The following CNST variants were observed in gnomAD, a reference collection of about 807,000 sequenced individuals.
CNST encodes the protein consortin.
CNST carries 39 observed loss-of-function variants against 72.4 expected under a neutral mutation model. That is an observed-to-expected ratio of 0.54 (90% CI 0.42 to 0.70). The LOEUF is 0.70. CNST is among the 30% of genes least tolerant of loss of function. CNST has a pLI of 0.00. For missense variants in CNST, 871 were observed against 868.5 expected (o/e 1.00, Z -0.04); for synonymous variants, 332 against 320.1 (o/e 1.04, Z -0.40).
At chr1:246,566,776 C>T in intron 1 of CNST, 113 bp downstream of exon 1, 1 of 398,466 alleles carries the variant, frequency 2.5e-6, no homozygotes, top group Non-Finnish European at 4.4e-6. Flanking sequence ...AGCCGCGCAG[C>T]CTCTGCCCTC....
At chr1:246,645,558 G>A (rs1404974712) in intron 8 of CNST, among the ~76,000 whole-genome samples, 3 of 150,936 alleles carry the variant, frequency 2.0e-5, no homozygotes, top group African/African-American at 7.3e-5. Flanking sequence ...CTCCCGAGTA[G>A]CTGGGACTAC....
intron 8 of CNST, 150 bp from the exon 9 acceptor site, chr1:246,646,989 T>C (rs1284263407): frequency 6.0e-6 from 4 of 667,746 alleles, no homozygotes; most frequent in Non-Finnish European, 9.8e-6. Flanking sequence ...GTATTTCCTC[T>C]ACCTAAAGAC....
intron 6 of CNST, among the ~76,000 whole-genome samples, chr1:246,636,372 T>C (rs1665241112): frequency 1.3e-5 from 2 of 152,032 alleles, no homozygotes; most frequent in African/African-American, 2.4e-5. Flanking sequence ...GGTTTTGAAA[T>C]GCTAGTAATT....
chr1:246,638,210 C>G (rs1485434274), intron 6 of CNST, among the ~76,000 whole-genome samples: 1 of 152,106 alleles, frequency 6.6e-6, no homozygotes, highest in Non-Finnish European at 1.5e-5. Context: ...GTACCATGGT[C>G]CTTGCTTTTG....
At chr1:246,575,471 G>T (rs903572788) in intron 1 of CNST, among the ~76,000 whole-genome samples, 4 of 152,120 alleles carry the variant, frequency 2.6e-5, no homozygotes, top group Admixed American at 2.0e-4. Flanking sequence ...GCAATAGACC[G>T]CATATTGTAT....
chr1:246,574,985 T>TTTAC lies in CNST; in HGVS notation c.-52+8325_-52+8326insCTTA, dbSNP rs1369992252. Among the ~76,000 whole-genome samples, 586 of 149,600 alleles carry TTTAC rather than the reference T, an allele frequency of 3.9e-3. 3 individuals carry two copies. Among genetic ancestry groups the TTTAC allele is most frequent in the African/African-American group, 0.014 (563 of 41,050 alleles). On this transcript the variant is annotated intron_variant, in intron 1 of 10. Coordinates refer to ENST00000366513, the MANE Select transcript of CNST (RefSeq NM_152609.3). ...CTTCCTCAAGTATTTTATTTATTTATTTATTTATTTATTTATTTATTTATT... is the reference window on the plus strand; with the variant it reads ...CTTCCTCAAGTATTTTATTTATTTATTTACTTATTTATTTATTTATTTATTTATT...
chr1:246,603,061 G>A (rs1662417612), intron 2 of CNST, among the ~76,000 whole-genome samples: 1 of 152,070 alleles, frequency 6.6e-6, no homozygotes, highest in Non-Finnish European at 1.5e-5. Flanking sequence ...TAAGTAATGT[G>A]ATATTTTATG....
At chr1:246,638,099 T>G (rs1432438480) in intron 6 of CNST, among the ~76,000 whole-genome samples, 1 of 152,044 alleles carries the variant, frequency 6.6e-6, no homozygotes, top group Admixed American at 6.5e-5. Context: ...GGTGGAGAAG[T>G]TGCAAGAGAG....
chr1:246,637,522 G>T (rs1309678202), intron 6 of CNST, among the ~76,000 whole-genome samples: 3 of 152,206 alleles, frequency 2.0e-5, no homozygotes, highest in Non-Finnish European at 2.9e-5. Context: ...ATTCCAAAGG[G>T]ACTATAAAAA....
Position 246,568,520 on chromosome 1 carries a change from G to T in CNST, c.-52+1857G>T, listed in dbSNP as rs75370994. Among the ~76,000 whole-genome samples the T allele has an allele frequency of 9.3e-3, 1,412 of 152,284 alleles. 23 individuals are homozygous for T. Among genetic ancestry groups the T allele is most frequent in the African/African-American group, 0.032 (1,329 of 41,548 alleles). On this transcript the variant is annotated intron_variant, in intron 1 of 10. Transcript: ENST00000366513. ...TAGACATACTTTATTAGAAAAACTTGATTAGTGTGCAGTATTTCCCATCTT... is the reference window on the plus strand; with the variant it reads ...TAGACATACTTTATTAGAAAAACTTTATTAGTGTGCAGTATTTCCCATCTT...
rs547582034 is a variant in CNST at position 246,623,655 on chromosome 1, G to A, written c.585+2021G>A. On this transcript the variant is annotated intron_variant, in intron 3 of 10. Coordinates refer to ENST00000366513, the MANE Select transcript of CNST (RefSeq NM_152609.3). ...CACGCGCCTGTAGTCCCAGCTACTC[G>A]AGAGGCTGAGGCAGAAGAATTGCTT... Among the ~76,000 whole-genome samples, 187 of 149,274 alleles carry A rather than the reference G, an allele frequency of 1.3e-3. 2 individuals are homozygous for A. The highest frequency in any genetic ancestry group is 3.6e-3 in the African/African-American group (147 of 40,610).
intron 9 of CNST, among the ~76,000 whole-genome samples, chr1:246,658,306 G>T (rs959982948): frequency 6.6e-6 from 1 of 152,104 alleles, no homozygotes; most frequent in African/African-American, 2.4e-5. Flanking sequence ...TATAAAACCT[G>T]TTTTCTCTGT....
intron 8 of CNST, 34 bp downstream of exon 8, chr1:246,642,071 A>G: frequency 1.7e-6 from 2 of 1,209,740 alleles, no homozygotes; most frequent in Non-Finnish European, 2.4e-6. Context: ...GAGCAACGTA[A>G]AAGATACCTG....
chr1:246,605,022 A>G (rs1662613555), intron 2 of CNST, among the ~76,000 whole-genome samples: 1 of 152,154 alleles, frequency 6.6e-6, no homozygotes, highest in Non-Finnish European at 1.5e-5. Flanking sequence ...GAGAAACAAA[A>G]TATGTTTATT....
chr1:246,641,904 C>T, intron 7 of CNST, 37 bp from the exon 8 acceptor site: 1 of 1,511,346 alleles, frequency 6.6e-7, no homozygotes. Flanking sequence ...ACAACAGTTT[C>T]CCCAAAAGTT....
chr1:246,613,055 C>T (rs10924785), intron 2 of CNST, among the ~76,000 whole-genome samples: 61,610 of 152,000 alleles, frequency 0.41, 15,328 homozygotes, highest in Non-Finnish European at 0.54. Context: ...TTGTCACAAT[C>T]TTATCAAGCA....
At chr1:246,649,175 T>G (rs80338509) in intron 9 of CNST, among the ~76,000 whole-genome samples, 1 of 151,608 alleles carries the variant, frequency 6.6e-6, no homozygotes, top group Non-Finnish European at 1.5e-5. Flanking sequence ...TTTTTTTTTT[T>G]TCGTAGTTTT....
intron 2 of CNST, among the ~76,000 whole-genome samples, chr1:246,617,706 C>T (rs1376331331): frequency 6.6e-6 from 1 of 152,178 alleles, no homozygotes; most frequent in Non-Finnish European, 1.5e-5. Flanking sequence ...TCTTTGGCAA[C>T]AGTTTTCTAA....
chr1:246,572,892 A>G (rs1660152663), intron 1 of CNST, among the ~76,000 whole-genome samples: 1 of 152,164 alleles, frequency 6.6e-6, no homozygotes, highest in South Asian at 2.1e-4. Context: ...TCATGAAACA[A>G]CAACTAACAT....
Sources: gnomAD v4.1 joint callset for allele counts (sites outside exome capture counted in the v4.1 genomes callset) on GRCh38, gnomAD v4.1.1 for gene constraint, MANE v1.5 for transcripts, NCBI Gene and HGNC (gene_info 2026-07-23, HGNC 2026-07-21) for gene names.